APP: variants seen among roughly 807,000 people sequenced by gnomAD.
The protein encoded by APP is amyloid beta precursor protein, also known as amyloid-beta precursor protein.
In APP, 31 loss-of-function variants were observed where a neutral mutation model predicts 101.4. The observed-to-expected ratio is 0.31, with a 90% CI of 0.23 to 0.41. The LOEUF is 0.41. Ranked by LOEUF, APP falls within the 10% of genes least tolerant of loss-of-function variation. APP has a pLI of 1.00. For synonymous variants in APP, 366 were observed against 364.4 expected (o/e 1.00, Z -0.05); for missense variants, 839 against 1,003.7 (o/e 0.84, Z 2.22).
At chr21:25,926,820 G>A (rs1432139834) in intron 13 of APP, among the ~76,000 whole-genome samples, 1 of 151,976 alleles carries the variant, frequency 6.6e-6, no homozygotes, top group Admixed American at 6.6e-5. Context: ...TGGCTAACAT[G>A]GTGAAACCCC....
intron 17 of APP, among the ~76,000 whole-genome samples, chr21:25,882,982 C>A (rs1220664240): frequency 1.3e-5 from 2 of 152,124 alleles, no homozygotes; most frequent in Admixed American, 6.5e-5. Context: ...CACAGCAATG[C>A]CCCTGAAGCC....
At chr21:26,032,836 T>C (rs1017046393) in intron 5 of APP, among the ~76,000 whole-genome samples, 4 of 151,256 alleles carry the variant, frequency 2.6e-5, no homozygotes, top group Non-Finnish European at 5.9e-5. Context: ...AGCTATCCTT[T>C]ACTGGGCGCT....
intron 1 of APP, among the ~76,000 whole-genome samples, chr21:26,129,576 G>A (rs45584441): frequency 1.3e-5 from 2 of 152,030 alleles, no homozygotes; most frequent in East Asian, 1.9e-4. Flanking sequence ...CGATATAAAC[G>A]TGAGATGGCT....
intron 3 of APP, among the ~76,000 whole-genome samples, chr21:26,061,713 C>T (rs1000906588): frequency 7.9e-5 from 12 of 152,100 alleles, no homozygotes; most frequent in Admixed American, 7.2e-4. Flanking sequence ...TAACTATTAC[C>T]GGATAATAGT....
chr21:25,974,927 G>C, intron 11 of APP, 143 bp downstream of exon 11: 2 of 1,264,120 alleles, frequency 1.6e-6, no homozygotes, highest in Non-Finnish European at 2.2e-6. Flanking sequence ...CTTCAAGATG[G>C]AATGGACAGG....
chr21:25,917,602 AAATC>A (rs2039416708), intron 13 of APP, among the ~76,000 whole-genome samples: 1 of 152,228 alleles, frequency 6.6e-6, no homozygotes, highest in African/African-American at 2.4e-5. Flanking sequence ...TATGGGCATT[AAATC>A]AATCAGTTAT....
intron 1 of APP, among the ~76,000 whole-genome samples, chr21:26,120,911 A>G (rs1434866964): frequency 6.6e-6 from 1 of 152,234 alleles, no homozygotes; most frequent in Non-Finnish European, 1.5e-5. Context: ...CATTCATGCT[A>G]CTGCAATCAC....
chr21:26,130,153 A>G (rs575572710), intron 1 of APP, among the ~76,000 whole-genome samples: 6 of 152,234 alleles, frequency 3.9e-5, no homozygotes, highest in Non-Finnish European at 7.3e-5. Context: ...ATAGATGGTC[A>G]TTCACACGAA....
intron 13 of APP, among the ~76,000 whole-genome samples, chr21:25,951,129 T>C (rs1470093451): frequency 1.1e-4 from 1 of 9,252 alleles, no homozygotes; most frequent in African/African-American, 5.0e-4. Flanking sequence ...GGAAGCACAA[T>C]GGAAGATACA....
At chr21:26,019,116 GT>G (rs2044223669) in intron 6 of APP, among the ~76,000 whole-genome samples, 1 of 152,222 alleles carries the variant, frequency 6.6e-6, no homozygotes, top group Admixed American at 6.5e-5. Flanking sequence ...TACCTCAACA[GT>G]ACTAGCATCA....
chr21:25,891,582 AC>A, intron 17 of APP, 139 bp downstream of exon 17: 2 of 856,974 alleles, frequency 2.3e-6, no homozygotes, highest in Non-Finnish European at 3.9e-6. Context: ...ACAAGAAAGA[AC>A]AACTGTAACC....
intron 13 of APP, among the ~76,000 whole-genome samples, chr21:25,947,302 T>C (rs1340371199): frequency 1.9e-4 from 2 of 10,290 alleles, no homozygotes; most frequent in African/African-American, 8.5e-4. Flanking sequence ...AGCACTCTAC[T>C]AACCACCACT....
intron 6 of APP, among the ~76,000 whole-genome samples, chr21:26,011,378 C>T (rs2043800020): frequency 6.6e-6 from 1 of 152,008 alleles, no homozygotes; most frequent in African/African-American, 2.4e-5. Flanking sequence ...GCCTGGGCTT[C>T]TGTTCACATA....
chr21:25,934,443 T>TC (rs1195603326), intron 13 of APP: 1 of 152,180 alleles, frequency 6.6e-6, no homozygotes, highest in Non-Finnish European at 1.5e-5. Flanking sequence ...GAATGTGGTT[T>TC]CTTTTTTTTT....
chr21:26,170,817 A>ATCCGGCCCACCCCGC (rs1335246493), upstream of APP: 5 of 550,198 alleles, frequency 9.1e-6, no homozygotes, highest in Non-Finnish European at 1.5e-5. Flanking sequence ...GAGTCAGCTG[A>ATCCGGCCCACCCCGC]TCCGGCCCAC....
intron 6 of APP, among the ~76,000 whole-genome samples, chr21:26,009,002 G>A (rs1345189764): frequency 1.3e-5 from 2 of 152,130 alleles, no homozygotes; most frequent in Non-Finnish European, 2.9e-5. Context: ...TGGGACTCAG[G>A]CCCCCCATAC....
intron 3 of APP, among the ~76,000 whole-genome samples, chr21:26,053,983 T>C (rs1480026333): frequency 6.6e-6 from 1 of 152,236 alleles, no homozygotes; most frequent in African/African-American, 2.4e-5. Flanking sequence ...TATAAAGATA[T>C]TACATAAAGT....
At chr21:26,016,881 A>C (rs1305415506) in intron 6 of APP, among the ~76,000 whole-genome samples, 1 of 147,314 alleles carries the variant, frequency 6.8e-6, no homozygotes, top group Non-Finnish European at 1.5e-5. Context: ...AGGCCAATTA[A>C]AAAAATTTTT....
chr21:26,053,380 C>A (rs758747126), intron 3 of APP, 32 bp from the exon 4 acceptor site: 1 of 1,402,808 alleles, frequency 7.1e-7, no homozygotes, highest in Admixed American at 1.7e-5. Flanking sequence ...TCCCGTCATT[C>A]CATCTGTATC....
Sources: gnomAD v4.1 joint callset for allele counts (sites outside exome capture counted in the v4.1 genomes callset) on GRCh38, gnomAD v4.1.1 for gene constraint, MANE v1.5 for transcripts, NCBI Gene and HGNC (gene_info 2026-07-23, HGNC 2026-07-21) for gene names.